Variants in NELL1 observed in about 807,000 individuals in gnomAD.
NELL1 encodes protein kinase C-binding protein NELL1.
In NELL1, 76 loss-of-function variants were observed where a neutral mutation model predicts 107.4. The ratio of observed to expected loss-of-function variants is 0.71; its 90% CI spans 0.59 to 0.86. The LOEUF (loss-of-function observed/expected upper bound fraction) is 0.86, where lower values mean the gene tolerates loss of function less well. Among genes scored for constraint, NELL1 ranks in the 40% least tolerant of loss-of-function variants. The pLI is 0.00. For synonymous variants in NELL1, 353 were observed against 341.2 expected, an observed-to-expected ratio of 1.03 and a Z score of -0.38; for missense variants, 1,024 against 1,005.5, an observed-to-expected ratio of 1.02 and a Z score of -0.25.
chr11:21,191,956 A>T (rs962205937), intron 13 of NELL1, among the ~76,000 whole-genome samples: 2 of 151,964 alleles, frequency 1.3e-5, no homozygotes, highest in African/African-American at 4.9e-5. Context: ...TATGTGAAAG[A>T]TATAAAAATT....
intron 12 of NELL1, among the ~76,000 whole-genome samples, chr11:20,990,575 T>C (rs2044239233): frequency 1.3e-5 from 2 of 152,228 alleles, no homozygotes; most frequent in Non-Finnish European, 2.9e-5. Flanking sequence ...TTTCATTGCA[T>C]AATAGATACC....
At chr11:21,552,492 G>C (rs1856615700) in intron 16 of NELL1, among the ~76,000 whole-genome samples, 1 of 145,540 alleles carries the variant, frequency 6.9e-6, no homozygotes, top group Non-Finnish European at 1.5e-5. Context: ...CTTAGGGTAA[G>C]AAACACAGAA....
In NELL1 at chr11:21,209,125, G is replaced by A. The variant is rs115379725; in HGVS notation, c.1427-20207G>A. On this transcript the variant is annotated intron_variant, in intron 13 of 19. Transcript: ENST00000357134. ...TTAGTTATCGATTCTGGCACATAAC[G>A]GGTTTAGATTTATATTTATTTTGAC... Among the ~76,000 whole-genome samples the A allele has an allele frequency of 9.6e-3, 1,453 of 152,050 alleles. 21 individuals are homozygous for A. The highest frequency in any genetic ancestry group is 0.033 in the African/African-American group (1,370 of 41,482).
At chr11:21,389,490 C>T (rs1851819219) in intron 15 of NELL1, among the ~76,000 whole-genome samples, 2 of 151,650 alleles carry the variant, frequency 1.3e-5, no homozygotes, top group South Asian at 2.1e-4. Context: ...GCTCTCAAGC[C>T]TTGAAATAAT....
chr11:20,718,474 T>TA (rs372454923), intron 2 of NELL1, among the ~76,000 whole-genome samples: 106,091 of 151,516 alleles, frequency 0.7, 40,610 homozygotes, highest in East Asian at 0.94. Context: ...TTTTTTTTTT[T>TA]TTTATTTAAT....
chr11:21,483,271 C>T (rs571594049), intron 15 of NELL1, among the ~76,000 whole-genome samples: 4 of 152,172 alleles, frequency 2.6e-5, no homozygotes, highest in South Asian at 2.1e-4. Context: ...ACCTAGAGAC[C>T]GAATCACTTT....
intron 17 of NELL1, among the ~76,000 whole-genome samples, chr11:21,570,379 T>C (rs1217973825): frequency 6.6e-6 from 1 of 151,854 alleles, no homozygotes; most frequent in African/African-American, 2.4e-5. Context: ...ATGAATGTAT[T>C]TGAATATGTT....
chr11:21,244,911 G>A (rs1484066194), intron 14 of NELL1, among the ~76,000 whole-genome samples: 1 of 152,046 alleles, frequency 6.6e-6, no homozygotes, highest in Admixed American at 6.6e-5. Flanking sequence ...TTTTACAACT[G>A]GGGATAATAA....
intron 14 of NELL1, among the ~76,000 whole-genome samples, chr11:21,313,976 A>C (rs1005125389): frequency 1.5e-5 from 2 of 131,364 alleles, no homozygotes. Context: ...TTAAAAGTGT[A>C]TGGAACCTAC....
At chr11:21,283,973 A>G in intron 14 of NELL1, 1 of 343,338 alleles carries the variant, frequency 2.9e-6, no homozygotes, top group South Asian at 2.3e-5. Context: ...TGGAGATGGC[A>G]CTGGGACTGA....
intron 4 of NELL1, among the ~76,000 whole-genome samples, chr11:20,854,291 T>A (rs12282122): frequency 0.031 from 4,668 of 152,298 alleles, 87 homozygotes; most frequent in Middle Eastern, 0.054. Context: ...TTCCTAAGTA[T>A]AAAATGTGGG....
At chr11:21,503,411 C>T (rs1489798985) in intron 15 of NELL1, among the ~76,000 whole-genome samples, 1 of 152,064 alleles carries the variant, frequency 6.6e-6, no homozygotes, top group Non-Finnish European at 1.5e-5. Flanking sequence ...TCAAATAAGC[C>T]AAATGTGTTT....
At chr11:21,040,861 AT>A (rs968112342) in intron 12 of NELL1, among the ~76,000 whole-genome samples, 3 of 152,200 alleles carry the variant, frequency 2.0e-5, no homozygotes, top group Admixed American at 6.5e-5. Context: ...AGACCTTAAA[AT>A]TCTAAAAGGA....
chr11:21,458,339 G>A (rs1853803177), intron 15 of NELL1, among the ~76,000 whole-genome samples: 1 of 152,074 alleles, frequency 6.6e-6, no homozygotes, highest in Non-Finnish European at 1.5e-5. Flanking sequence ...AAAATATAGT[G>A]TTTGACCCTG....
intron 12 of NELL1, among the ~76,000 whole-genome samples, chr11:21,055,004 T>C (rs924078057): frequency 2.0e-5 from 3 of 152,054 alleles, no homozygotes; most frequent in African/African-American, 7.2e-5. Flanking sequence ...AATTTTATAG[T>C]TTAATTTTAA....
intron 5 of NELL1, among the ~76,000 whole-genome samples, chr11:20,889,071 A>G (rs1849566108): frequency 6.6e-6 from 1 of 152,220 alleles, no homozygotes; most frequent in South Asian, 2.1e-4. Flanking sequence ...CATCTCTTGA[A>G]GGGCTGCTCC....
At chr11:20,703,528 T>A (rs1854855003) in intron 2 of NELL1, among the ~76,000 whole-genome samples, 1 of 152,210 alleles carries the variant, frequency 6.6e-6, no homozygotes, top group Non-Finnish European at 1.5e-5. Context: ...ATCTTAGTTA[T>A]TTCTTGCCTT....
intron 2 of NELL1, among the ~76,000 whole-genome samples, chr11:20,698,397 G>A (rs1228367270): frequency 6.6e-6 from 1 of 152,134 alleles, no homozygotes. Context: ...CCATCAAATA[G>A]TACATTAAGG....
chr11:20,902,933 A>G (rs1158815589), intron 5 of NELL1, among the ~76,000 whole-genome samples: 1 of 152,078 alleles, frequency 6.6e-6, no homozygotes, highest in Non-Finnish European at 1.5e-5. Context: ...TATATATACA[A>G]AGAAAAATGC....
Sources: gnomAD v4.1 joint callset for allele counts (sites outside exome capture counted in the v4.1 genomes callset) on GRCh38, gnomAD v4.1.1 for gene constraint, MANE v1.5 for transcripts, NCBI Gene and HGNC (gene_info 2026-07-23, HGNC 2026-07-21) for gene names.